The following MRPS31 variants were observed in gnomAD, a reference collection of about 807,000 sequenced individuals.
The protein encoded by MRPS31 is mitochondrial ribosomal protein S31.
A neutral mutation model predicts 43.1 loss-of-function variants in MRPS31; 32 were observed. That is an observed-to-expected ratio of 0.74 (90% CI 0.56 to 1.00). The LOEUF (loss-of-function observed/expected upper bound fraction) is 1.00. Among genes scored for constraint, MRPS31 ranks in the 50% least tolerant of loss-of-function variants. The pLI, the probability that MRPS31 is intolerant of heterozygous loss-of-function variation, is 0.00. For synonymous variants in MRPS31, 165 were observed against 161.6 expected (o/e 1.02, Z -0.16); for missense variants, 437 against 466.7 (o/e 0.94, Z 0.59).
In MRPS31 at chr13:40,729,367, T is replaced by C. The variant is rs1326054094; in HGVS notation, c.*5A>G. On this transcript the variant is annotated 3_prime_UTR_variant, in exon 7 of 7. Coordinates refer to ENST00000323563, the MANE Select transcript of MRPS31 (RefSeq NM_005830.4). Reference sequence around the variant, plus strand: ...TAATTGTTTGAAATAAAAATTTCCATGGTCTTAATTGAACTGTATGTTACT... The same window carrying C: ...TAATTGTTTGAAATAAAAATTTCCACGGTCTTAATTGAACTGTATGTTACT... 2.1e-5 allele frequency: 29 copies of C among 1,365,428 alleles called. No individual in the cohort carries two copies. The highest frequency in any genetic ancestry group is 2.8e-5 in the Non-Finnish European group (28 of 990,568). The allele number at this position is 1,365,428 out of a possible 1,614,324, so 84.6% of individuals were successfully genotyped here.
intron 3 of MRPS31, 59 bp from the exon 4 acceptor site, chr13:40,757,072 T>C: frequency 2.3e-6 from 3 of 1,324,244 alleles, no homozygotes; most frequent in Non-Finnish European, 2.1e-6. Flanking sequence ...AGTAATAAAC[T>C]TCCTTTAACA....
rs1229425973 is a variant in MRPS31 at position 40,766,932 on chromosome 13, G to C, written c.254C>G (p.Ser85Ter). The C allele has an allele frequency of 1.9e-6, 3 of 1,613,940 alleles. No homozygotes were observed. Among genetic ancestry groups the C allele is most frequent in the South Asian group, 2.2e-5 (2 of 91,076 alleles). The change falls in exon 2 of 7, where the codon TCA (serine) becomes TGA (stop). Residue 85 changes from serine (S) to a stop codon, truncating the protein, a stop_gained. Transcript: ENST00000323563. LOFTEE classifies it high-confidence loss of function. ...TTCCTTTTCACTGTCTTGGCTCTCT[G>C]AAGTCTCCTTGGAAGTCTCCTCAGT... ...VRTEETSKET[S>*]ESQDSEKENT...
intron 3 of MRPS31, among the ~76,000 whole-genome samples, chr13:40,757,880 C>G (rs1285282761): frequency 6.6e-6 from 1 of 151,066 alleles, no homozygotes; most frequent in Non-Finnish European, 1.5e-5. Context: ...CAGTGGCTCA[C>G]GCCTGTAATC....
At chr13:40,754,128 T>C (rs1359183992) in intron 4 of MRPS31, 36 bp from the exon 5 acceptor site, 3 of 1,198,594 alleles carry the variant, frequency 2.5e-6, no homozygotes, top group Non-Finnish European at 3.6e-6. Context: ...TTTTAATGAA[T>C]ATATTTTAAA....
chr13:40,759,323 G>C (rs541693321), intron 2 of MRPS31, among the ~76,000 whole-genome samples: 3 of 152,010 alleles, frequency 2.0e-5, no homozygotes, highest in African/African-American at 7.2e-5. Flanking sequence ...TGTAAGTGCC[G>C]GCTACTCGGG....
At chr13:40,731,580 CAA>C (rs530596103) in intron 6 of MRPS31, among the ~76,000 whole-genome samples, 3 of 78,472 alleles carry the variant, frequency 3.8e-5, no homozygotes, top group African/African-American at 4.8e-5. Context: ...AGACTCTGTC[CAA>C]AAAAAAAAAA....
intron 6 of MRPS31, among the ~76,000 whole-genome samples, chr13:40,731,647 AT>A (rs1566102808): frequency 6.6e-6 from 1 of 152,154 alleles, no homozygotes; most frequent in Non-Finnish European, 1.5e-5. Context: ...TGAACAGAAA[AT>A]AATACTTTAA....
In MRPS31 at chr13:40,729,516, G is replaced by A. The variant is rs1879607038; in HGVS notation, c.1044C>T (p.Arg348=). 6.2e-7 allele frequency: 1 copy of A among 1,614,014 alleles called. No homozygotes were observed. ...LESFPKQGPI[R]HFMELVTCGL... The stretch of plus-strand genomic sequence containing the variant: ...CACAAGTCACCAGCTCCATGAAGTG[G>A]CGAATTGGTCCTTGTTTTGGAAAGC... Residue 348 remains arginine (R), a synonymous_variant, in exon 7 of 7, where the codon CGC becomes CGT. Coordinates refer to ENST00000323563, the MANE Select transcript of MRPS31 (RefSeq NM_005830.4).
Position 40,759,949 on chromosome 13 carries a change from G to A in MRPS31, c.441-843C>T, listed in dbSNP as rs1566110908. Among the ~76,000 whole-genome samples the A allele has an allele frequency of 2.6e-5, 4 of 152,160 alleles. 1 individual carries two copies. The South Asian group carries it at 8.3e-4, about 32-fold the overall frequency. ...GACTTTCACAGGCATTAGATCAAGT[G>A]AAAGAAGTTGGACACAAAGAATATA... On this transcript the variant is annotated intron_variant, in intron 2 of 6. Coordinates refer to ENST00000323563, the MANE Select transcript of MRPS31 (RefSeq NM_005830.4).
chr13:40,769,816 C>G (rs1156574304), intron 1 of MRPS31, among the ~76,000 whole-genome samples: 1 of 152,118 alleles, frequency 6.6e-6, no homozygotes, highest in Non-Finnish European at 1.5e-5. Flanking sequence ...AGGAAAATCA[C>G]GTCTAAGTAA....
In MRPS31 at chr13:40,759,072, C is replaced by T; in HGVS notation, c.475G>A (p.Ala159Thr). 6.2e-7 allele frequency: 1 copy of T among 1,603,620 alleles called. No individual in the cohort carries two copies. Among genetic ancestry groups the T allele is most frequent in the Non-Finnish European group, 8.5e-7 (1 of 1,175,398 alleles). ...GGGAGAGAATCTGCCACAGCAGATG[C>T]AGCTGCCACCAACTCAGGACTCAGG... ...EPLSPELVAAASAVADSLPFD... is the reference protein window; with the variant it reads ...EPLSPELVAATSAVADSLPFD... Residue 159 changes from alanine to threonine, a missense_variant, in exon 3 of 7, where the codon GCA becomes ACA. Coordinates refer to ENST00000323563, the MANE Select transcript of MRPS31 (RefSeq NM_005830.4).
chr13:40,759,485 G>A (rs1181155833), intron 2 of MRPS31, among the ~76,000 whole-genome samples: 1 of 151,990 alleles, frequency 6.6e-6, no homozygotes, highest in Non-Finnish European at 1.5e-5. Context: ...ACAAAAAAGA[G>A]AGATTGCTTA....
rs536469441 is a variant in MRPS31, at chr13:40,731,474, C to T, written c.959-1873G>A. Among the ~76,000 whole-genome samples the T allele has an allele frequency of 3.5e-4, 53 of 149,596 alleles. No individual in the cohort carries two copies. The South Asian group carries it at 1.0e-2, about 28-fold the overall frequency. ...GCATGTGCCTGTAGTCCCAGCTACT[C>T]GGGAGGCTGAGGCAGGAGAACTGCT... On this transcript the variant is annotated intron_variant, in intron 6 of 6. Coordinates refer to ENST00000323563, the MANE Select transcript of MRPS31 (RefSeq NM_005830.4).
chr13:40,760,967 A>T (rs1352118235), intron 2 of MRPS31, among the ~76,000 whole-genome samples: 2 of 152,136 alleles, frequency 1.3e-5, no homozygotes, highest in Admixed American at 1.3e-4. Context: ...ATAGGAATAG[A>T]AGAAAAAGAG....
rs892007225 is a variant in MRPS31 at position 40,766,974 on chromosome 13, T to C, written c.212A>G (p.Asp71Gly). 3.1e-6 allele frequency: 5 copies of C among 1,614,168 alleles called. No homozygotes were observed. The highest frequency in any genetic ancestry group is 4.2e-6 in the Non-Finnish European group (5 of 1,180,016). The change falls in exon 2 of 7, where the codon GAT (aspartate) becomes GGT (glycine). Residue 71 changes from aspartate (D) to glycine (G), a missense_variant. Transcript: ENST00000323563. Reference protein sequence around the residue: ...GTNSVICSKKDKQSVRTEETS... With the variant: ...GTNSVICSKKGKQSVRTEETS... ...CTCCTCAGTTCGAACAGACTGCTTA[T>C]CTTTCTTGCTACAGATCACACTGTT...
intron 2 of MRPS31, 70 bp downstream of exon 2, chr13:40,766,676 A>T (rs775382157): frequency 7.1e-7 from 1 of 1,407,344 alleles, no homozygotes; most frequent in Non-Finnish European, 9.6e-7. Flanking sequence ...ACTTGTATTA[A>T]AAATATTTTT....
At chr13:40,741,178 C>T (rs1347008332) in intron 6 of MRPS31, among the ~76,000 whole-genome samples, 1 of 151,758 alleles carries the variant, frequency 6.6e-6, no homozygotes. Context: ...AAACTGTTGG[C>T]TCTGAGAACA....
rs764934615 is a variant in MRPS31 at position 40,759,070 on chromosome 13, T to C, written c.477A>G (p.Ala159=). 1.4e-5 allele frequency: 23 copies of C among 1,605,522 alleles called. No individual in the cohort carries two copies. In the South Asian group the frequency reaches 1.9e-4, roughly 13 times the overall value. Residue 159 remains alanine, a synonymous_variant, in exon 3 of 7, where the codon GCA becomes GCG. Coordinates refer to ENST00000323563, the MANE Select transcript of MRPS31 (RefSeq NM_005830.4). The stretch of plus-strand genomic sequence containing the variant: ...AAGGGAGAGAATCTGCCACAGCAGA[T>C]GCAGCTGCCACCAACTCAGGACTCA... The part of the protein sequence containing the change: ...EPLSPELVAA[A]SAVADSLPFD...
chr13:40,757,274 T>G (rs886328776), intron 3 of MRPS31, among the ~76,000 whole-genome samples: 2 of 152,202 alleles, frequency 1.3e-5, no homozygotes, highest in African/African-American at 4.8e-5. Context: ...GAAAAATTAT[T>G]CAGAGAAAAT....
Sources: gnomAD v4.1 joint callset for allele counts (sites outside exome capture counted in the v4.1 genomes callset) on GRCh38, gnomAD v4.1.1 for gene constraint, MANE v1.5 for transcripts, NCBI Gene and HGNC (gene_info 2026-07-23, HGNC 2026-07-21) for gene names.